Variants in ANKFN1 observed in about 807,000 individuals in gnomAD.
ANKFN1 encodes ankyrin repeat and fibronectin type-III domain-containing protein 1.
ANKFN1 carries 74 observed loss-of-function variants against 108.7 expected under a neutral mutation model. The observed-to-expected ratio is 0.68, with a 90% confidence interval of 0.56 to 0.83. ANKFN1 has a LOEUF of 0.83. Ranked by LOEUF, ANKFN1 falls within the 40% of genes least tolerant of loss-of-function variation. The pLI, the probability that ANKFN1 is intolerant of heterozygous loss-of-function variation, is 0.00. For missense variants in ANKFN1, 1,505 were observed against 1,382.3 expected, an observed-to-expected ratio of 1.09 and a Z score of -1.41; for synonymous variants, 547 against 516.2, an observed-to-expected ratio of 1.06 and a Z score of -0.81.
chr17:56,124,013 G>A (rs947994098), intron 4 of ANKFN1, among the ~76,000 whole-genome samples: 9 of 152,110 alleles, frequency 5.9e-5, no homozygotes, highest in Non-Finnish European at 8.8e-5. Context: ...ACCAGTAGAC[G>A]AGGGGTCCAT....
intron 4 of ANKFN1, among the ~76,000 whole-genome samples, chr17:56,342,137 G>C (rs922373431): frequency 6.6e-6 from 1 of 151,978 alleles, no homozygotes; most frequent in African/African-American, 2.4e-5. Context: ...TATTTCTGTG[G>C]AGTCAGTGGT....
At chr17:56,298,745 A>G (rs2044589827) in intron 3 of ANKFN1, among the ~76,000 whole-genome samples, 1 of 152,246 alleles carries the variant, frequency 6.6e-6, no homozygotes, top group South Asian at 2.1e-4. Flanking sequence ...AGTTTTGCAT[A>G]TATTTTCACA....
intron 8 of ANKFN1, among the ~76,000 whole-genome samples, chr17:56,418,816 AT>A (rs995339632): frequency 6.7e-6 from 1 of 150,122 alleles, no homozygotes; most frequent in African/African-American, 2.5e-5. Context: ...AAAAAAAAAA[AT>A]CACAAGAAAC....
At chr17:56,233,270 A>G (rs1916870378) in intron 3 of ANKFN1, among the ~76,000 whole-genome samples, 1 of 152,132 alleles carries the variant, frequency 6.6e-6, no homozygotes, top group Non-Finnish European at 1.5e-5. Context: ...ATTGACTTCA[A>G]CTAATAATTT....
intron 4 of ANKFN1, among the ~76,000 whole-genome samples, chr17:56,076,424 T>C (rs779041143): frequency 1.1e-4 from 17 of 152,244 alleles, no homozygotes; most frequent in Non-Finnish European, 2.2e-4. Flanking sequence ...TGACAATGCA[T>C]GATGGAATTG....
chr17:56,498,055 T>C (rs961931929), intron 19 of ANKFN1, among the ~76,000 whole-genome samples: 1 of 152,144 alleles, frequency 6.6e-6, no homozygotes, highest in African/African-American at 2.4e-5. Context: ...AAACTACTAT[T>C]GTACTTTATA....
rs58714064 is a variant in ANKFN1, at chr17:56,229,661, CAAAAAAAAAAA to C, written c.53+1721_53+1731del. On this transcript the variant is annotated intron_variant, in intron 3 of 20. Coordinates refer to ENST00000682825, the MANE Select transcript of ANKFN1 (RefSeq NM_001370326.1). ...AAAGCACCCGTTACCTTTCAGATTG[CAAAAAAAAAAA>C]AAAAAAAAAAAAAAAAGGGGGGTTG... Among the ~76,000 whole-genome samples the C allele has an allele frequency of 5.3e-3, 214 of 40,210 alleles. 2 individuals carry two copies. Among genetic ancestry groups the C allele is most frequent in the African/African-American group, 0.018 (203 of 11,090 alleles). The allele number at this position is 40,210 out of a possible 152,430, so 26.4% of individuals were successfully genotyped here. A position where few individuals can be genotyped will look rare whatever the true frequency, so the allele number is the denominator to read the frequency against.
intron 2 of ANKFN1, among the ~76,000 whole-genome samples, chr17:56,219,218 AG>A (rs1431724147): frequency 3.3e-5 from 5 of 151,458 alleles, no homozygotes; most frequent in African/African-American, 1.2e-4. Flanking sequence ...GTTAAAGAGT[AG>A]GTGCATTTTT....
chr17:56,223,680 C>T (rs1446178355), intron 2 of ANKFN1, among the ~76,000 whole-genome samples: 1 of 152,124 alleles, frequency 6.6e-6, no homozygotes, highest in Non-Finnish European at 1.5e-5. Flanking sequence ...TAAAGTTGAG[C>T]TCATTGTGGG....
chr17:56,358,510 A>G (rs1192999182), intron 6 of ANKFN1, among the ~76,000 whole-genome samples: 1 of 152,216 alleles, frequency 6.6e-6, no homozygotes, highest in Non-Finnish European at 1.5e-5. Context: ...CAAGTTAAAT[A>G]TATACAGAAC....
At chr17:56,239,945 A>G (rs905929857) in intron 3 of ANKFN1, among the ~76,000 whole-genome samples, 4 of 152,122 alleles carry the variant, frequency 2.6e-5, no homozygotes, top group Non-Finnish European at 5.9e-5. Context: ...GAAAAACATA[A>G]TGATTGACAT....
At chr17:56,360,636 G>C (rs1240698195) in intron 6 of ANKFN1, among the ~76,000 whole-genome samples, 1 of 152,112 alleles carries the variant, frequency 6.6e-6, no homozygotes, top group Admixed American at 6.5e-5. Flanking sequence ...CTTTTGAGGG[G>C]TGTCAATATA....
chr17:56,286,600 T>A (rs916470184), intron 3 of ANKFN1, among the ~76,000 whole-genome samples: 8 of 152,118 alleles, frequency 5.3e-5, no homozygotes, highest in Non-Finnish European at 1.0e-4. Flanking sequence ...CCTTACAACA[T>A]GGCGGCAGGA....
At chr17:56,110,669 C>T (rs1905911207) in intron 4 of ANKFN1, among the ~76,000 whole-genome samples, 1 of 152,132 alleles carries the variant, frequency 6.6e-6, no homozygotes. Context: ...TGAATGAAGG[C>T]CAAGACTAAA....
At chr17:56,463,844 G>GTT (rs2049992064) in intron 14 of ANKFN1, 1 of 152,116 alleles carries the variant, frequency 6.6e-6, no homozygotes, top group African/African-American at 2.4e-5. Context: ...CCCAACTCTG[G>GTT]ACTTCCTTCA....
chr17:56,063,552 C>G (rs1009262749), intron 4 of ANKFN1, among the ~76,000 whole-genome samples: 2 of 151,478 alleles, frequency 1.3e-5, no homozygotes, highest in Non-Finnish European at 2.9e-5. Context: ...GCTATTGATA[C>G]TTGTGTATGC....
intron 8 of ANKFN1, among the ~76,000 whole-genome samples, chr17:56,381,068 C>T (rs940207390): frequency 4.6e-5 from 7 of 152,142 alleles, no homozygotes; most frequent in African/African-American, 1.4e-4. Context: ...CTCAAACGGC[C>T]GGGTACTCCT....
At chr17:56,103,266 G>T (rs1905682476) in intron 4 of ANKFN1, among the ~76,000 whole-genome samples, 1 of 148,182 alleles carries the variant, frequency 6.7e-6, no homozygotes, top group African/African-American at 2.6e-5. Flanking sequence ...TCTGCAGGCT[G>T]CATCCCTGGA....
intron 15 of ANKFN1, among the ~76,000 whole-genome samples, chr17:56,467,769 AAGAAAGAAAGAAAGAAAG>A (rs1568025916): frequency 3.4e-5 from 4 of 116,058 alleles, no homozygotes; most frequent in Middle Eastern, 3.6e-3. Context: ...GAAAGAAAGA[AAGAAAGAAAGAAAGAAAG>A]AAAGAAGAAA....
Sources: allele counts gnomAD v4.1 joint callset (sites outside exome capture counted in the v4.1 genomes callset), GRCh38; gene constraint gnomAD v4.1.1; transcripts MANE v1.5; gene names NCBI Gene and HGNC (gene_info 2026-07-23, HGNC 2026-07-21).